Variants in LINGO2 observed in about 807,000 individuals in gnomAD.
The protein encoded by LINGO2 is leucine-rich repeat and immunoglobulin-like domain-containing nogo receptor-interacting protein 2.
In LINGO2, 14 loss-of-function variants were observed where a neutral mutation model predicts 30.6. The ratio of observed to expected loss-of-function variants is 0.46; its 90% confidence interval spans 0.30 to 0.72. The LOEUF is 0.72. Ranked by LOEUF, LINGO2 falls within the 30% of genes least tolerant of loss-of-function variation. The pLI, the probability that LINGO2 is intolerant of heterozygous loss-of-function variation, is 0.07. For synonymous variants in LINGO2, 317 were observed against 288.5 expected (o/e 1.10, Z -1.00); for missense variants, 729 against 751.7 (o/e 0.97, Z 0.35).
the LINGO2 span, among the ~76,000 whole-genome samples, chr9:29,076,352 C>G: frequency 1.8e-3 from 273 of 151,892 alleles, 1 homozygote; most frequent in African/African-American, 6.2e-3. Flanking sequence ...CTTTCTTCAG[C>G]AGCAAGCATT....
In LINGO2 at chr9:28,593,962, T is replaced by C. The variant is rs1458672436; in HGVS notation, c.-365+76238A>G. 3.3e-5 allele frequency among the ~76,000 whole-genome samples: 5 copies of C among 152,122 alleles called. No homozygotes were observed. The East Asian group carries it at 9.7e-4, about 29-fold the overall frequency. Reference sequence around the variant, plus strand: ...TATCCTATGTAAATGTCAATTAGCATGGCTTCTGTTAACAATGAACTCCTT... The same window carrying C: ...TATCCTATGTAAATGTCAATTAGCACGGCTTCTGTTAACAATGAACTCCTT... On this transcript the variant is annotated intron_variant, in intron 1 of 5. Transcript: ENST00000379992.
chr9:29,157,490 A>G, the LINGO2 span, among the ~76,000 whole-genome samples: 1 of 152,192 alleles, frequency 6.6e-6, no homozygotes, highest in African/African-American at 2.4e-5. Flanking sequence ...AGTCAAGAGT[A>G]AACTGAAGAC....
At chr9:28,684,869 GT>G in the LINGO2 span, among the ~76,000 whole-genome samples, 1 of 151,992 alleles carries the variant, frequency 6.6e-6, no homozygotes, top group East Asian at 1.9e-4. Context: ...ACATGTGCAC[GT>G]TTGTTATACA....
At chr9:28,943,031 T>C in the LINGO2 span, among the ~76,000 whole-genome samples, 17 of 152,178 alleles carry the variant, frequency 1.1e-4, no homozygotes, top group Admixed American at 3.9e-4. Context: ...TGATAAAATA[T>C]GGCAATTGTA....
intron 1 of LINGO2, among the ~76,000 whole-genome samples, chr9:28,570,583 A>G (rs189289129): frequency 6.6e-6 from 1 of 150,904 alleles, no homozygotes; most frequent in Non-Finnish European, 1.5e-5. Flanking sequence ...TTTAAGAATA[A>G]AGCCAAGGTC....
chr9:29,158,777 A>T, the LINGO2 span, among the ~76,000 whole-genome samples: 1 of 151,938 alleles, frequency 6.6e-6, no homozygotes, highest in Admixed American at 6.6e-5. Flanking sequence ...TGTGTATGAG[A>T]GAGAGAGAGA....
the LINGO2 span, among the ~76,000 whole-genome samples, chr9:28,848,058 TATATGTATATAA>T: frequency 5.3e-5 from 1 of 18,748 alleles, no homozygotes; most frequent in Non-Finnish European, 9.8e-5. Context: ...TATATATATA[TATATGTATATAA>T]TATATATATA....
chr9:28,657,691 C>T (rs1828412377), intron 1 of LINGO2, among the ~76,000 whole-genome samples: 1 of 151,956 alleles, frequency 6.6e-6, no homozygotes, highest in Non-Finnish European at 1.5e-5. Context: ...TTGCTCTTTT[C>T]AAAGAACCAG....
intron 1 of LINGO2, among the ~76,000 whole-genome samples, chr9:28,532,758 G>C (rs1340003564): frequency 6.6e-6 from 1 of 152,048 alleles, no homozygotes; most frequent in Non-Finnish European, 1.5e-5. Flanking sequence ...TCTGATTGTG[G>C]AGGATTGGGG....
In LINGO2 at chr9:28,417,702, T is replaced by A. The variant is rs80251339; in HGVS notation, c.-278-44834A>T. 6.5e-3 allele frequency among the ~76,000 whole-genome samples: 989 copies of A among 152,318 alleles called. 40 individuals carry two copies. In the East Asian group the frequency reaches 0.093, roughly 14 times the overall value. ...TGCCATTCCTACTTTCAATAGTGTG[T>A]CATTACCTTGTGTGCAATATCTGTG... is the stretch of plus-strand genomic sequence containing the variant. On this transcript the variant is annotated intron_variant, in intron 2 of 5. Transcript: ENST00000379992.
chr9:28,179,616 C>G (rs1433768895), intron 4 of LINGO2, among the ~76,000 whole-genome samples: 1 of 137,970 alleles, frequency 7.2e-6, no homozygotes, highest in African/African-American at 2.7e-5. Context: ...TGTATATATA[C>G]TATATATAGT....
chr9:28,504,638 A>G (rs1564248909), intron 1 of LINGO2, among the ~76,000 whole-genome samples: 2 of 151,592 alleles, frequency 1.3e-5, no homozygotes, highest in Non-Finnish European at 3.0e-5. Flanking sequence ...TTAAAAATGG[A>G]CAAAATATAA....
chr9:28,887,039 T>G, the LINGO2 span, among the ~76,000 whole-genome samples: 1 of 152,146 alleles, frequency 6.6e-6, no homozygotes, highest in South Asian at 2.1e-4. Context: ...GAGCAGGGTA[T>G]GAACAAGAAA....
At chr9:29,161,404 C>G in the LINGO2 span, among the ~76,000 whole-genome samples, 33 of 152,322 alleles carry the variant, frequency 2.2e-4, no homozygotes, top group African/African-American at 7.9e-4. Context: ...AGTCATAGCC[C>G]TGAACCTGAC....
At chr9:28,059,441 G>C (rs945281290) in intron 4 of LINGO2, among the ~76,000 whole-genome samples, 1 of 151,922 alleles carries the variant, frequency 6.6e-6, no homozygotes, top group African/African-American at 2.4e-5. Flanking sequence ...CCACCCGCAC[G>C]ACTTGGTGTT....
chr9:27,969,885 T>C (rs773427262), intron 5 of LINGO2, among the ~76,000 whole-genome samples: 57 of 151,690 alleles, frequency 3.8e-4, no homozygotes, highest in Non-Finnish European at 7.1e-4. Context: ...CTGGCTGAGG[T>C]CCCTCTACCC....
the LINGO2 span, among the ~76,000 whole-genome samples, chr9:29,141,479 AAGAC>A: frequency 6.6e-6 from 1 of 151,896 alleles, no homozygotes; most frequent in African/African-American, 2.4e-5. Context: ...AATGAAAAGA[AAGAC>A]AGTAAGAGAG....
At chr9:29,132,106 C>T in the LINGO2 span, among the ~76,000 whole-genome samples, 4 of 151,830 alleles carry the variant, frequency 2.6e-5, no homozygotes, top group East Asian at 5.8e-4. Context: ...GTCCCTTGAT[C>T]CCCAATAGGT....
chr9:28,745,499 G>A, the LINGO2 span, among the ~76,000 whole-genome samples: 4 of 152,030 alleles, frequency 2.6e-5, no homozygotes, highest in Admixed American at 2.6e-4. Context: ...GTAAATGAAT[G>A]TCTTTACATG....
Sources: allele counts gnomAD v4.1 joint callset (sites outside exome capture counted in the v4.1 genomes callset), GRCh38; gene constraint gnomAD v4.1.1; transcripts MANE v1.5; gene names NCBI Gene and HGNC (gene_info 2026-07-23, HGNC 2026-07-21).